CHD2: variants seen among roughly 807,000 people sequenced by gnomAD.
CHD2 encodes chromodomain helicase DNA binding protein 2.
In CHD2, 28 loss-of-function variants were observed where a neutral mutation model predicts 243.9. The observed-to-expected ratio is 0.11, with a 90% confidence interval of 0.09 to 0.16. The LOEUF is 0.16. Among genes scored for constraint, CHD2 ranks in the 10% least tolerant of loss-of-function variants. The pLI, the probability that CHD2 is intolerant of heterozygous loss-of-function variation, is 1.00. For synonymous variants in CHD2, 775 were observed against 779.0 expected, an observed-to-expected ratio of 0.99 and a Z score of 0.09; for missense variants, 1,386 against 2,209.8, an observed-to-expected ratio of 0.63 and a Z score of 7.47.
chr15:92,978,359 G>A lies in CHD2; in HGVS notation c.2703G>A (p.Ala901=), dbSNP rs776453723. The A allele has an allele frequency of 6.9e-5, 112 of 1,613,912 alleles. No homozygotes were observed. Among genetic ancestry groups the A allele is most frequent in the Admixed American group, 1.3e-4 (8 of 59,960 alleles). Residue 901 remains alanine (A), a synonymous_variant, in exon 21 of 39, where the codon GCG becomes GCA. Coordinates refer to ENST00000394196, the MANE Select transcript of CHD2 (RefSeq NM_001271.4). The part of the protein sequence containing the change: ...PQNDLQAQAR[A]HRIGQKKQVN... Reference sequence around the variant, plus strand: ...ATGACTTGCAGGCACAAGCCCGAGCGCATAGAATTGGTCAAAAGAAGCAGG... The same window carrying A: ...ATGACTTGCAGGCACAAGCCCGAGCACATAGAATTGGTCAAAAGAAGCAGG...
chr15:92,940,937 A>T (rs1234016167), intron 7 of CHD2, among the ~76,000 whole-genome samples: 14 of 136,088 alleles, frequency 1.0e-4, no homozygotes, highest in African/African-American at 3.6e-4. Context: ...AATATATATA[A>T]AATATATATA....
At chr15:92,976,398 C>T (rs1471633074) in intron 20 of CHD2, among the ~76,000 whole-genome samples, 1 of 152,164 alleles carries the variant, frequency 6.6e-6, no homozygotes, top group Non-Finnish European at 1.5e-5. Context: ...TTGTACCCCT[C>T]ATTCTAGACA....
chr15:93,004,748 C>T lies in CHD2; in HGVS notation c.4410C>T (p.Ser1470=). 1 of 1,610,560 alleles carries T rather than the reference C, an allele frequency of 6.2e-7. No individual in the cohort carries two copies. Among genetic ancestry groups the T allele is most frequent in the East Asian group, 2.2e-5 (1 of 44,832 alleles). ...EDDDLDQETF[S]ICKERMRPVK... is the part of the protein sequence containing the mutation. Reference sequence around the variant, plus strand: ...ATGATCTGGACCAGGAGACATTCAGCATAGTAAGTCTTGAAATCGGGGGGT... The same window carrying T: ...ATGATCTGGACCAGGAGACATTCAGTATAGTAAGTCTTGAAATCGGGGGGT... Residue 1470 remains serine (S), a synonymous_variant, in exon 34 of 39, where the codon AGC becomes AGT. Coordinates refer to ENST00000394196, the MANE Select transcript of CHD2 (RefSeq NM_001271.4).
rs768998067 is a variant in CHD2, at chr15:92,953,351, C to T, written c.1503-6C>T. The T allele has an allele frequency of 3.7e-6, 6 of 1,607,316 alleles. No individual in the cohort carries two copies. The Admixed American group carries it at 8.5e-5, about 23-fold the overall frequency. ...TTTTGTTTTTATTTATTTTTTCTTT[C>T]TGCAGAAATAATAGTGTAATCCTTG... On this transcript the variant is annotated splice_polypyrimidine_tract_variant and splice_region_variant and intron_variant, in intron 13 of 38. Coordinates refer to ENST00000394196, the MANE Select transcript of CHD2 (RefSeq NM_001271.4).
intron 16 of CHD2, among the ~76,000 whole-genome samples, chr15:92,959,486 TTTTTTTA>T (rs2053657915): frequency 6.6e-6 from 1 of 151,988 alleles, no homozygotes; most frequent in African/African-American, 2.4e-5. Flanking sequence ...CTTTCGACTG[TTTTTTTA>T]TTTTTTATTT....
Position 93,026,829 on chromosome 15 carries a change from A to C in CHD2, c.*2124A>C, listed in dbSNP as rs531390316. 1 of 152,626 alleles carries C rather than the reference A, an allele frequency of 6.6e-6. No individual in the cohort carries two copies. The highest frequency in any genetic ancestry group is 2.4e-5 in the African/African-American group (1 of 41,562). The allele number at this position is 152,626 out of a possible 1,614,324, so 9.5% of individuals were successfully genotyped here. On this transcript the variant is annotated 3_prime_UTR_variant, in exon 39 of 39. Coordinates refer to ENST00000394196, the MANE Select transcript of CHD2 (RefSeq NM_001271.4). ...GGGTGGGAAGGAGGTGAGCCCCTGC[A>C]GAGAGTTGGGTAGTGTCCTTCAGGA...
Position 92,974,933 on chromosome 15 carries a change from A to G in CHD2, c.2560A>G (p.Asn854Asp), listed in dbSNP as rs1169208609. The stretch of plus-strand genomic sequence containing the variant: ...CCGAAAACAGGCACTGGACCACTTC[A>G]ATGCAGATGGGTCTGAGGTATACTA... Reference protein sequence around the residue: ...EIRKQALDHFNADGSEDFCFL... With the variant: ...EIRKQALDHFDADGSEDFCFL... Residue 854 changes from asparagine (N) to aspartate (D), a missense_variant, in exon 20 of 39, where the codon AAT (asparagine) becomes GAT (aspartate). By Grantham distance (23) the Asn-to-Asp change is conservative. Transcript: ENST00000394196. The G allele has an allele frequency of 6.2e-7, 1 of 1,613,626 alleles. No individual in the cohort carries two copies. Among genetic ancestry groups the G allele is most frequent in the Non-Finnish European group, 8.5e-7 (1 of 1,179,668 alleles).
At chr15:93,019,964 AT>A (rs761004785) in intron 37 of CHD2, 47 bp from the exon 38 acceptor site, 2 of 1,563,040 alleles carry the variant, frequency 1.3e-6, no homozygotes, top group South Asian at 1.2e-5. Context: ...TGAAAGTGAA[AT>A]TCATCCATTT....
chr15:92,911,946 C>G (rs1196603179), intron 2 of CHD2, among the ~76,000 whole-genome samples: 1 of 152,158 alleles, frequency 6.6e-6, no homozygotes, highest in Admixed American at 6.5e-5. Context: ...GGCCATGACT[C>G]TACATCAAAA....
chr15:92,979,067 C>G, intron 21 of CHD2, 68 bp from the exon 22 acceptor site: 3 of 1,571,020 alleles, frequency 1.9e-6, no homozygotes, highest in Non-Finnish European at 1.7e-6. Flanking sequence ...AGAGCTAATC[C>G]TTCTCTCTTT....
intron 12 of CHD2, among the ~76,000 whole-genome samples, chr15:92,948,109 C>T (rs1480400574): frequency 6.6e-6 from 1 of 152,196 alleles, no homozygotes; most frequent in Non-Finnish European, 1.5e-5. Context: ...ACCATAGAGA[C>T]TGACCTCACT....
chr15:92,974,599 CT>C, intron 19 of CHD2: 1 of 308,930 alleles, frequency 3.2e-6, no homozygotes, highest in Non-Finnish European at 6.2e-6. Context: ...GGGTTTTCGT[CT>C]TTCTCCTTTT....
chr15:92,953,789 G>A, intron 14 of CHD2: 1 of 548,142 alleles, frequency 1.8e-6, no homozygotes, highest in Non-Finnish European at 3.2e-6. Context: ...CAGTATGTGA[G>A]TGGGAATCTC....
chr15:92,973,862 G>A (rs933441050), intron 19 of CHD2: 2 of 152,204 alleles, frequency 1.3e-5, no homozygotes, highest in African/African-American at 4.8e-5. Context: ...CTGATTTCAA[G>A]TAAAGGCTCT....
intron 16 of CHD2, among the ~76,000 whole-genome samples, chr15:92,958,513 T>A (rs970778718): frequency 1.3e-5 from 2 of 152,204 alleles, no homozygotes; most frequent in African/African-American, 4.8e-5. Flanking sequence ...ATTGCCAAGG[T>A]CTGATTGCAA....
At chr15:92,935,923 C>G (rs1360800502) in intron 5 of CHD2, among the ~76,000 whole-genome samples, 1 of 151,880 alleles carries the variant, frequency 6.6e-6, no homozygotes, top group East Asian at 1.9e-4. Flanking sequence ...ATTGCGCATT[C>G]TTTCATTGAT....
chr15:92,923,880 G>C (rs929185029), intron 2 of CHD2, among the ~76,000 whole-genome samples: 3 of 151,996 alleles, frequency 2.0e-5, no homozygotes, highest in African/African-American at 7.2e-5. Context: ...GTTTGGTTTT[G>C]TTCTGTGTTT....
intron 36 of CHD2, among the ~76,000 whole-genome samples, chr15:93,014,323 G>A (rs2054431668): frequency 6.6e-6 from 1 of 152,140 alleles, no homozygotes. Flanking sequence ...CTGGACAGTC[G>A]AGGGTTGTTT....
intron 37 of CHD2, among the ~76,000 whole-genome samples, chr15:93,017,538 G>A (rs2054479977): frequency 7.2e-6 from 1 of 139,136 alleles, no homozygotes; most frequent in South Asian, 2.3e-4. Flanking sequence ...GTACAGACAG[G>A]GTCTCACCAT....
Sources: allele counts gnomAD v4.1 joint callset (sites outside exome capture counted in the v4.1 genomes callset), GRCh38; gene constraint gnomAD v4.1.1; transcripts MANE v1.5; gene names NCBI Gene and HGNC (gene_info 2026-07-23, HGNC 2026-07-21).